The following KCNK12 variants were observed in gnomAD, a reference collection of about 807,000 sequenced individuals.
KCNK12 encodes potassium channel subfamily K member 12.
A neutral mutation model predicts 25.3 loss-of-function variants in KCNK12; 6 were observed. The ratio of observed to expected loss-of-function variants is 0.24; its 90% CI spans 0.13 to 0.47. KCNK12 has a LOEUF of 0.47. Among genes scored for constraint, KCNK12 ranks in the 20% least tolerant of loss-of-function variants. The pLI, the probability that KCNK12 is intolerant of heterozygous loss-of-function variation, is 0.99. For synonymous variants in KCNK12, 331 were observed against 311.1 expected (o/e 1.06, Z -0.67); for missense variants, 444 against 661.7 (o/e 0.67, Z 3.61).
Position 47,562,266 on chromosome 2 carries a change from C to G in KCNK12, c.391+7675G>C. On this transcript the variant is annotated intron_variant, in intron 1 of 1. Coordinates refer to ENST00000327876, the MANE Select transcript of KCNK12 (RefSeq NM_022055.2). The surrounding 1 kb of genome is among the most constrained non-coding windows in gnomAD (Gnocchi z 4.8). ...GCTATCCTACCTTCCTGGTCTGTAA[C>G]ATCTGTTGCTGTTGAGTATAAAGAC... The G allele has an allele frequency of 2.5e-6, 1 of 396,956 alleles. No individual in the cohort carries two copies. The highest frequency in any genetic ancestry group is 4.4e-6 in the Non-Finnish European group (1 of 225,500). The allele number at this position is 396,956 out of a possible 1,614,324, so 24.6% of individuals were successfully genotyped here.
At position 47,528,897 on chromosome 2, in the gene KCNK12, C is replaced by G. The variant is rs1668856037; in HGVS notation, c.392-7089G>C. ...CCTGGGCGGCAGCCTCGGTTGGGCC[C>G]TTGACACACTCCTCCCATCCAGGCC... On this transcript the variant is annotated intron_variant, in intron 1 of 1. Transcript: ENST00000327876. This position sits in a 1 kb window ranked among gnomAD's most constrained non-coding sequence, Gnocchi z 4.5. 6.6e-6 allele frequency among the ~76,000 whole-genome samples: 1 copy of G among 151,974 alleles called. No individual in the cohort carries two copies. The highest frequency in any genetic ancestry group is 1.5e-5 in the Non-Finnish European group (1 of 67,994).
intron 1 of KCNK12, among the ~76,000 whole-genome samples, chr2:47,532,223 A>G (rs940394731): frequency 1.0e-4 from 13 of 126,226 alleles, no homozygotes; most frequent in African/African-American, 4.7e-4. Context: ...ATTTGTAAAT[A>G]GCATAAAAAA....
intron 1 of KCNK12, among the ~76,000 whole-genome samples, chr2:47,536,491 T>A (rs1030516967): frequency 6.6e-6 from 1 of 152,178 alleles, no homozygotes; most frequent in African/African-American, 2.4e-5. Flanking sequence ...ACCAGAAACA[T>A]TGTCTCCATC....
At chr2:47,523,333 G>T (rs2104732491) in intron 1 of KCNK12, among the ~76,000 whole-genome samples, 1 of 152,286 alleles carries the variant, frequency 6.6e-6, no homozygotes, top group East Asian at 1.9e-4. Context: ...TCTGCCATTG[G>T]GTGCCGGCTC....
chr2:47,531,522 A>G (rs1668929086), intron 1 of KCNK12, among the ~76,000 whole-genome samples: 1 of 151,250 alleles, frequency 6.6e-6, no homozygotes, highest in African/African-American at 2.4e-5. Flanking sequence ...CAGGGAGCAG[A>G]GGCCTAGGCT....
Position 47,533,576 on chromosome 2 carries a change from C to T in KCNK12, c.392-11768G>A, listed in dbSNP as rs968127747. On this transcript the variant is annotated intron_variant, in intron 1 of 1. Coordinates refer to ENST00000327876, the MANE Select transcript of KCNK12 (RefSeq NM_022055.2). This position sits in a 1 kb window ranked among gnomAD's most constrained non-coding sequence, Gnocchi z 4.7. ...GTCAAGCCTGGCTCTACCATTGGCT[C>T]GCCGTTCTCCTACCTCGCTGGGCCT... Among the ~76,000 whole-genome samples, 3 of 152,216 alleles carry T rather than the reference C, an allele frequency of 2.0e-5. No homozygotes were observed. Among genetic ancestry groups the T allele is most frequent in the South Asian group, 2.1e-4 (1 of 4,832 alleles).
Position 47,516,293 on chromosome 2 carries a change from G to A in KCNK12, c.*4614C>T, listed in dbSNP as rs188712624. On this transcript the variant is annotated 3_prime_UTR_variant, in exon 2 of 2. Transcript: ENST00000327876. ...AATCAGACTCCTGGGAGTACGGCCC[G>A]GGCCTCGGGATCCTTTAAAGCTCCA... 2.6e-5 allele frequency among the ~76,000 whole-genome samples: 4 copies of A among 152,278 alleles called. No individual in the cohort carries two copies. The South Asian group carries it at 6.2e-4, about 24-fold the overall frequency.
At chr2:47,531,156 A>G (rs1668916694) in intron 1 of KCNK12, among the ~76,000 whole-genome samples, 1 of 152,190 alleles carries the variant, frequency 6.6e-6, no homozygotes, top group Non-Finnish European at 1.5e-5. Context: ...ATATGGAAGA[A>G]GAGATATTTG....
In KCNK12 at chr2:47,555,079, T is replaced by C. The variant is rs1479248731; in HGVS notation, c.391+14862A>G. On this transcript the variant is annotated intron_variant, in intron 1 of 1. Transcript: ENST00000327876. This position sits in a 1 kb window ranked among gnomAD's most constrained non-coding sequence, Gnocchi z 4.5. ...GATATAGCAGGAATCAGGAGTTCTA[T>C]TTTGGGCTTTTAAAAGTTTTGATAC... Among the ~76,000 whole-genome samples, 1 of 152,226 alleles carries C rather than the reference T, an allele frequency of 6.6e-6. No homozygotes were observed. The highest frequency in any genetic ancestry group is 2.4e-5 in the African/African-American group (1 of 41,466).
At chr2:47,550,523 C>T (rs1669406578) in intron 1 of KCNK12, among the ~76,000 whole-genome samples, 2 of 151,512 alleles carry the variant, frequency 1.3e-5, no homozygotes, top group South Asian at 4.2e-4. Context: ...GCTGGGATTA[C>T]AAGCGTGTCC....
intron 1 of KCNK12, among the ~76,000 whole-genome samples, chr2:47,568,272 T>C (rs2104906405): frequency 6.6e-6 from 1 of 151,846 alleles, no homozygotes; most frequent in South Asian, 2.1e-4. Flanking sequence ...TGTCATCCTC[T>C]AGGACTAAGC....
rs984071958 is a variant in KCNK12 at position 47,529,893 on chromosome 2, A to G, written c.392-8085T>C. Among the ~76,000 whole-genome samples, 2 of 152,222 alleles carry G rather than the reference A, an allele frequency of 1.3e-5. No individual in the cohort carries two copies. The highest frequency in any genetic ancestry group is 2.4e-5 in the African/African-American group (1 of 41,448). On this transcript the variant is annotated intron_variant, in intron 1 of 1. Coordinates refer to ENST00000327876, the MANE Select transcript of KCNK12 (RefSeq NM_022055.2). This position sits in a 1 kb window ranked among gnomAD's most constrained non-coding sequence, Gnocchi z 4.3. ...AAGTATGTCCCAAATATTGCATAGG[A>G]CATACTTATACTAAAATATAGTTGA...
Position 47,570,225 on chromosome 2 carries a change from G to T in KCNK12, c.107C>A (p.Thr36Asn). The stretch of plus-strand genomic sequence containing the variant: ...CGCCGCCAGCAGCACGAAGCGGCCG[G>T]TGTCCTCGTTGAGGTGCGAACGGCG... ...CCRRSHLNED[T>N]GRFVLLAALI... Residue 36 changes from threonine to asparagine, a missense_variant, in exon 1 of 2, where the codon ACC becomes AAC. Thr to Asn is a moderately conservative substitution (Grantham distance 65). Transcript: ENST00000327876. 1 of 1,484,852 alleles carries T rather than the reference G, an allele frequency of 6.7e-7. No individual in the cohort carries two copies. The highest frequency in any genetic ancestry group is 8.9e-7 in the Non-Finnish European group (1 of 1,120,534). 92.0% of individuals were successfully genotyped at this position (1,484,852 alleles called of 1,614,324 possible).
Position 47,521,206 on chromosome 2 carries a change from G to T in KCNK12, c.994C>A (p.Arg332Ser). ...CGGGAGCCTGGGGTGATGGCATTGCGCCGGGCCAGGGGCGCGCCAGGAGCC... is the reference window on the plus strand; with the variant it reads ...CGGGAGCCTGGGGTGATGGCATTGCTCCGGGCCAGGGGCGCGCCAGGAGCC... ...CPAPGAPLARRNAITPGSRLR... is the reference protein window; with the variant it reads ...CPAPGAPLARSNAITPGSRLR... The change falls in exon 2 of 2, where the codon CGC (arginine) becomes AGC (serine). Residue 332 changes from arginine (R) to serine (S), a missense_variant. By Grantham distance (110) the Arg-to-Ser change is moderately radical. Around this residue, in one of 8 missense-constraint regions of KCNK12, gnomAD observed 69 missense variants for 81.7 expected, o/e 0.84. Coordinates refer to ENST00000327876, the MANE Select transcript of KCNK12 (RefSeq NM_022055.2). The T allele has an allele frequency of 6.5e-7, 1 of 1,544,574 alleles. No homozygotes were observed. Among genetic ancestry groups the T allele is most frequent in the Non-Finnish European group, 8.7e-7 (1 of 1,146,124 alleles).
chr2:47,537,567 G>C (rs1057385354), intron 1 of KCNK12, among the ~76,000 whole-genome samples: 1 of 152,180 alleles, frequency 6.6e-6, no homozygotes, highest in Non-Finnish European at 1.5e-5. Context: ...TTGACCTCGT[G>C]ATCCGCCCGC....
At chr2:47,561,241 G>A (rs1340385466) in intron 1 of KCNK12, among the ~76,000 whole-genome samples, 1 of 152,198 alleles carries the variant, frequency 6.6e-6, no homozygotes, top group Non-Finnish European at 1.5e-5. Flanking sequence ...TCCGGGTGTG[G>A]GGGGCAGAGA....
Position 47,569,822 on chromosome 2 carries a change from C to G in KCNK12, c.391+119G>C. ...GAGAAGAGGGCGAGACGAAAGTAAGCAAAGGGACATTAGAAGGGAAGGCAG... is the reference window on the plus strand; with the variant it reads ...GAGAAGAGGGCGAGACGAAAGTAAGGAAAGGGACATTAGAAGGGAAGGCAG... On this transcript the variant is annotated intron_variant, in intron 1 of 1. Transcript: ENST00000327876. This position sits in a 1 kb window ranked among gnomAD's most constrained non-coding sequence, Gnocchi z 4.1. 1 of 806,014 alleles carries G rather than the reference C, an allele frequency of 1.2e-6. No homozygotes were observed. Among genetic ancestry groups the G allele is most frequent in the Non-Finnish European group, 1.7e-6 (1 of 584,570 alleles). 49.9% of individuals were successfully genotyped at this position (806,014 alleles called of 1,614,324 possible).
chr2:47,523,907 C>T (rs919819116), intron 1 of KCNK12, among the ~76,000 whole-genome samples: 2 of 152,146 alleles, frequency 1.3e-5, no homozygotes, highest in Non-Finnish European at 2.9e-5. Flanking sequence ...AAGAGTTTGT[C>T]CTATGTGGCT....
chr2:47,530,910 A>G (rs1422082515), intron 1 of KCNK12, among the ~76,000 whole-genome samples: 1 of 152,244 alleles, frequency 6.6e-6, no homozygotes, highest in Non-Finnish European at 1.5e-5. Context: ...AAGCAAGCAC[A>G]TGGCAGAGAT....
Sources: allele counts gnomAD v4.1 joint callset (sites outside exome capture counted in the v4.1 genomes callset), GRCh38; gene constraint gnomAD v4.1.1; regional missense constraint gnomAD v4.1.1; non-coding constraint Gnocchi (gnomAD v3.1); transcripts MANE v1.5; gene names NCBI Gene and HGNC (gene_info 2026-07-23, HGNC 2026-07-21).